The following ALDH1A2 variants were observed in gnomAD, a reference collection of about 807,000 sequenced individuals.
The protein encoded by ALDH1A2 is retinal dehydrogenase 2.
ALDH1A2 carries 27 observed loss-of-function variants against 60.3 expected under a neutral mutation model. That is an observed-to-expected ratio of 0.45 (90% CI 0.33 to 0.62). The LOEUF is 0.62. ALDH1A2 is among the 20% of genes least tolerant of loss of function. ALDH1A2 has a pLI of 0.02. For synonymous variants in ALDH1A2, 289 were observed against 232.4 expected, an observed-to-expected ratio of 1.24 and a Z score of -2.21; for missense variants, 581 against 643.8, an observed-to-expected ratio of 0.90 and a Z score of 1.06.
intron 1 of ALDH1A2, among the ~76,000 whole-genome samples, chr15:58,043,236 A>G (rs1896560840): frequency 6.6e-6 from 1 of 152,006 alleles, no homozygotes; most frequent in African/African-American, 2.4e-5. Flanking sequence ...ATGAATCATG[A>G]CACTTTCCAG....
At chr15:57,984,875 G>A (rs1894643504) in intron 7 of ALDH1A2, among the ~76,000 whole-genome samples, 1 of 152,088 alleles carries the variant, frequency 6.6e-6, no homozygotes, top group South Asian at 2.1e-4. Flanking sequence ...CTTCTGTGAT[G>A]ATCACCTGGT....
At chr15:57,985,213 C>G (rs928081001) in intron 7 of ALDH1A2, among the ~76,000 whole-genome samples, 1 of 152,148 alleles carries the variant, frequency 6.6e-6, no homozygotes, top group African/African-American at 2.4e-5. Flanking sequence ...AGTCCCTTCC[C>G]AATTCCGTTA....
At chr15:58,015,477 A>G (rs1364927313) in intron 1 of ALDH1A2, among the ~76,000 whole-genome samples, 1 of 152,240 alleles carries the variant, frequency 6.6e-6, no homozygotes, top group Non-Finnish European at 1.5e-5. Context: ...ACACAGCTGT[A>G]TTGATACAAA....
At chr15:57,980,627 T>A in intron 7 of ALDH1A2, 1 of 215,502 alleles carries the variant, frequency 4.6e-6, no homozygotes. Flanking sequence ...GACGCCTTTG[T>A]TGAACTGCGT....
intron 1 of ALDH1A2, among the ~76,000 whole-genome samples, chr15:58,061,474 A>G (rs1423207404): frequency 2.0e-5 from 3 of 151,838 alleles, no homozygotes; most frequent in Non-Finnish European, 2.9e-5. Context: ...ATAGCCATTT[A>G]AAGTATTAGA....
chr15:58,052,342 G>C (rs1276598301), intron 1 of ALDH1A2, among the ~76,000 whole-genome samples: 1 of 152,116 alleles, frequency 6.6e-6, no homozygotes, highest in Non-Finnish European at 1.5e-5. Context: ...TAGTCAGGGT[G>C]GGGTAAAGAA....
chr15:57,960,623 G>T, intron 12 of ALDH1A2, 147 bp downstream of exon 12: 1 of 705,482 alleles, frequency 1.4e-6, no homozygotes, highest in Non-Finnish European at 2.5e-6. Context: ...ACATGTAATA[G>T]AACTTAGCTT....
At chr15:58,030,788 G>GA (rs546481491) in intron 1 of ALDH1A2, among the ~76,000 whole-genome samples, 69 of 151,406 alleles carry the variant, frequency 4.6e-4, no homozygotes, top group African/African-American at 1.6e-3. Flanking sequence ...ATAATTGCTA[G>GA]AAAAAAAATA....
intron 7 of ALDH1A2, among the ~76,000 whole-genome samples, 194 bp downstream of exon 7, chr15:57,992,511 T>G (rs1374427092): frequency 1.3e-5 from 2 of 152,202 alleles, no homozygotes; most frequent in Non-Finnish European, 2.9e-5. Flanking sequence ...CAGATATCTG[T>G]GGGGTCAAAT....
chr15:57,999,957 C>T (rs1318576262), intron 4 of ALDH1A2, among the ~76,000 whole-genome samples: 3 of 151,874 alleles, frequency 2.0e-5, no homozygotes, highest in Admixed American at 2.0e-4. Flanking sequence ...GGAACTAACA[C>T]AGGAACAGAA....
At chr15:57,994,127 G>GT (rs1413284603) in intron 5 of ALDH1A2, among the ~76,000 whole-genome samples, 3 of 152,212 alleles carry the variant, frequency 2.0e-5, no homozygotes, top group African/African-American at 7.2e-5. Context: ...GGCAAGAAAA[G>GT]TAAGTTTGAA....
chr15:57,989,895 T>A (rs1241001509), intron 7 of ALDH1A2, among the ~76,000 whole-genome samples: 2 of 152,006 alleles, frequency 1.3e-5, no homozygotes, highest in Non-Finnish European at 2.9e-5. Flanking sequence ...TTGTATAATC[T>A]TAAAGGGGTT....
At chr15:58,037,997 C>G (rs1202899078) in intron 1 of ALDH1A2, among the ~76,000 whole-genome samples, 1 of 151,466 alleles carries the variant, frequency 6.6e-6, no homozygotes, top group Non-Finnish European at 1.5e-5. Context: ...CTCAGTTTTC[C>G]CCCGTGGGGC....
At chr15:58,027,145 A>G (rs1346445633) in intron 1 of ALDH1A2, among the ~76,000 whole-genome samples, 2 of 152,144 alleles carry the variant, frequency 1.3e-5, no homozygotes, top group African/African-American at 2.4e-5. Flanking sequence ...GACACCTCAT[A>G]CAGGCAGGTG....
intron 12 of ALDH1A2, among the ~76,000 whole-genome samples, chr15:57,956,110 T>C (rs1174304665): frequency 6.6e-6 from 1 of 152,134 alleles, no homozygotes; most frequent in East Asian, 1.9e-4. Context: ...TACTGAGTTG[T>C]ATCCTACTGA....
chr15:57,958,214 G>GCACGCGCACACACACACACA (rs1555398333), intron 12 of ALDH1A2, among the ~76,000 whole-genome samples: 1 of 151,700 alleles, frequency 6.6e-6, no homozygotes. Context: ...GTACACGCAC[G>GCACGCGCACACACACACACA]CACACACACA....
chr15:58,026,028 G>C (rs1470344984), intron 1 of ALDH1A2, among the ~76,000 whole-genome samples: 1 of 151,998 alleles, frequency 6.6e-6, no homozygotes, highest in Non-Finnish European at 1.5e-5. Flanking sequence ...GATTTGGAGG[G>C]GACATACATC....
chr15:58,038,567 A>G (rs1453110240), intron 1 of ALDH1A2: 1 of 151,730 alleles, frequency 6.6e-6, no homozygotes. Flanking sequence ...TTTAGGAAAA[A>G]CAGTAAGAAA....
At chr15:57,993,135 A>T in intron 5 of ALDH1A2, 62 bp from the exon 6 acceptor site, 2 of 1,587,360 alleles carry the variant, frequency 1.3e-6, no homozygotes, top group Non-Finnish European at 1.7e-6. Flanking sequence ...TTTGTTTTCA[A>T]GCTGTGACTT....
Sources: gnomAD v4.1 joint callset for allele counts (sites outside exome capture counted in the v4.1 genomes callset) on GRCh38, gnomAD v4.1.1 for gene constraint, MANE v1.5 for transcripts, NCBI Gene and HGNC (gene_info 2026-07-23, HGNC 2026-07-21) for gene names.